CSMD3: variants seen among roughly 807,000 people sequenced by gnomAD.
CSMD3 encodes the protein CUB and Sushi multiple domains 3.
CSMD3 carries 177 observed loss-of-function variants against 435.2 expected under a neutral mutation model. The ratio of observed to expected loss-of-function variants is 0.41; its 90% CI spans 0.36 to 0.46. CSMD3 has a LOEUF of 0.46. CSMD3 is among the 20% of genes least tolerant of loss of function. The pLI is 0.34. For missense variants in CSMD3, 4,265 were observed against 4,504.6 expected (o/e 0.95, Z 1.52); for synonymous variants, 1,656 against 1,520.5 (o/e 1.09, Z -2.07).
chr8:112,586,491 G>T (rs1157365418), intron 23 of CSMD3, among the ~76,000 whole-genome samples: 1 of 151,266 alleles, frequency 6.6e-6, no homozygotes, highest in Admixed American at 6.6e-5. Context: ...TTATTTCAAA[G>T]TGTTTAAATA....
intron 18 of CSMD3, among the ~76,000 whole-genome samples, chr8:112,655,706 T>C (rs1281394151): frequency 2.0e-5 from 3 of 152,008 alleles, no homozygotes; most frequent in Non-Finnish European, 4.4e-5. Flanking sequence ...ATTTTCAACA[T>C]TTTATGCAAA....
chr8:113,336,813 A>C (rs1157420940), intron 1 of CSMD3, among the ~76,000 whole-genome samples: 1 of 152,096 alleles, frequency 6.6e-6, no homozygotes, highest in Non-Finnish European at 1.5e-5. Flanking sequence ...TTACACTGAC[A>C]CTGCAGTACA....
intron 1 of CSMD3, among the ~76,000 whole-genome samples, chr8:113,397,864 A>G (rs1302729178): frequency 2.1e-5 from 3 of 140,414 alleles, no homozygotes; most frequent in Non-Finnish European, 4.7e-5. Context: ...AAATAAATAA[A>G]TAAAGAACAC....
intron 3 of CSMD3, among the ~76,000 whole-genome samples, chr8:113,183,789 C>CA (rs1056360559): frequency 1.3e-5 from 2 of 151,920 alleles, no homozygotes; most frequent in Admixed American, 6.6e-5. Flanking sequence ...ATGATCAAAT[C>CA]AGGGTAATGG....
intron 1 of CSMD3, among the ~76,000 whole-genome samples, chr8:113,419,079 T>A (rs531072723): frequency 6.6e-6 from 1 of 152,032 alleles, no homozygotes; most frequent in South Asian, 2.1e-4. Context: ...TTGTACATAT[T>A]TAAAGGGTAT....
chr8:112,891,694 A>T (rs1564072744), intron 10 of CSMD3, among the ~76,000 whole-genome samples: 1 of 151,582 alleles, frequency 6.6e-6, no homozygotes, highest in Non-Finnish European at 1.5e-5. Flanking sequence ...CTTGCTACTA[A>T]GTCAAAAATT....
chr8:113,024,194 T>C (rs1275897750), intron 5 of CSMD3, among the ~76,000 whole-genome samples: 2 of 152,120 alleles, frequency 1.3e-5, no homozygotes, highest in Non-Finnish European at 2.9e-5. Flanking sequence ...TTCTGACTTA[T>C]TTATCTTAAC....
At chr8:113,412,874 G>A (rs2094565548) in intron 1 of CSMD3, among the ~76,000 whole-genome samples, 1 of 151,734 alleles carries the variant, frequency 6.6e-6, no homozygotes, top group African/African-American at 2.4e-5. Flanking sequence ...TCTGAAACAA[G>A]ACCTCCATGC....
chr8:113,364,721 A>G (rs1467505979), intron 1 of CSMD3, among the ~76,000 whole-genome samples: 1 of 152,124 alleles, frequency 6.6e-6, no homozygotes, highest in African/African-American at 2.4e-5. Context: ...GGAAATTTGG[A>G]AAATGACACA....
At chr8:112,745,474 A>G (rs977814954) in intron 13 of CSMD3, among the ~76,000 whole-genome samples, 1 of 152,068 alleles carries the variant, frequency 6.6e-6, no homozygotes, top group Non-Finnish European at 1.5e-5. Flanking sequence ...CTACTGTACA[A>G]TTTACTTATA....
intron 1 of CSMD3, among the ~76,000 whole-genome samples, chr8:113,327,548 C>A (rs529574268): frequency 6.6e-6 from 1 of 152,136 alleles, no homozygotes; most frequent in Non-Finnish European, 1.5e-5. Flanking sequence ...AAATCAGCAG[C>A]CTCCCATCCC....
chr8:112,685,429 C>T lies in CSMD3; in HGVS notation c.2459G>A (p.Arg820His), dbSNP rs2131802273. The part of the protein sequence containing the change: ...EFQADHSMSG[R>H]GFNITYNTFG... The stretch of plus-strand genomic sequence containing the variant: ...ACTGTTGTAAGTGATGTTAAAGCCA[C>T]GTCCTGACATTGAGTGGTCAGCCTG... Residue 820 changes from arginine to histidine, a missense_variant, in exon 15 of 71, where the codon CGT becomes CAT. Physicochemically the swap from Arg to His is conservative, Grantham distance 29. Around this residue, in one of 3 missense-constraint regions of CSMD3, gnomAD observed 279 missense variants for 369.0 expected, o/e 0.76. Coordinates refer to ENST00000297405, the MANE Select transcript of CSMD3 (RefSeq NM_198123.2). 4 of 1,613,780 alleles carry T rather than the reference C, an allele frequency of 2.5e-6. No homozygotes were observed. Among genetic ancestry groups the T allele is most frequent in the Non-Finnish European group, 3.4e-6 (4 of 1,179,824 alleles).
At chr8:112,923,487 C>G (rs2130647325) in intron 9 of CSMD3, among the ~76,000 whole-genome samples, 1 of 152,224 alleles carries the variant, frequency 6.6e-6, no homozygotes, top group Non-Finnish European at 1.5e-5. Context: ...CCCTCAGGGT[C>G]TTTACACTTG....
chr8:112,582,482 G>C (rs996537947), intron 23 of CSMD3, among the ~76,000 whole-genome samples: 7 of 151,990 alleles, frequency 4.6e-5, no homozygotes, highest in Non-Finnish European at 8.8e-5. Flanking sequence ...ATTATGCCTG[G>C]AGTGGAGTGA....
chr8:112,267,583 G>T (rs1817070408), intron 59 of CSMD3, among the ~76,000 whole-genome samples: 1 of 152,000 alleles, frequency 6.6e-6, no homozygotes, highest in Non-Finnish European at 1.5e-5. Flanking sequence ...GGAAATTAAA[G>T]AGAACACCTA....
intron 2 of CSMD3, among the ~76,000 whole-genome samples, chr8:113,308,534 C>T (rs890802269): frequency 2.0e-5 from 3 of 152,064 alleles, no homozygotes; most frequent in Non-Finnish European, 2.9e-5. Context: ...TCCCAAAGTG[C>T]TGGCATTACA....
At chr8:112,959,872 AGT>A (rs1240977033) in intron 7 of CSMD3, among the ~76,000 whole-genome samples, 3 of 151,882 alleles carry the variant, frequency 2.0e-5, no homozygotes, top group African/African-American at 4.8e-5. Flanking sequence ...ATTAAAACAG[AGT>A]GTGTTATTTT....
At chr8:112,472,891 T>C (rs937082579) in intron 31 of CSMD3, among the ~76,000 whole-genome samples, 184 bp from the exon 32 acceptor site, 1 of 152,202 alleles carries the variant, frequency 6.6e-6, no homozygotes, top group Non-Finnish European at 1.5e-5. Flanking sequence ...CAAACAAAAC[T>C]TTATAAGTAT....
At position 112,787,296 on chromosome 8, in the gene CSMD3, A is replaced by G. The variant is rs114755556; in HGVS notation, c.1972+12866T>C. 3.6e-3 allele frequency among the ~76,000 whole-genome samples: 552 copies of G among 152,190 alleles called. 5 individuals carry two copies. Among genetic ancestry groups the G allele is most frequent in the African/African-American group, 0.012 (484 of 41,546 alleles). On this transcript the variant is annotated intron_variant, in intron 13 of 70. Transcript: ENST00000297405. ...ATGATATAAAAATGAATTTCTTCCA[A>G]ATTTTATCCAAAAAACAGGCAATAG...
Sources: allele counts gnomAD v4.1 joint callset (sites outside exome capture counted in the v4.1 genomes callset), GRCh38; gene constraint gnomAD v4.1.1; regional missense constraint gnomAD v4.1.1; transcripts MANE v1.5; gene names NCBI Gene and HGNC (gene_info 2026-07-23, HGNC 2026-07-21).